The following ADGRD1 variants were observed in gnomAD, a reference collection of about 807,000 sequenced individuals.
ADGRD1 encodes the protein adhesion G protein-coupled receptor D1, also known as G-protein coupled receptor 133.
A neutral mutation model predicts 113.4 loss-of-function variants in ADGRD1; 77 were observed. The ratio of observed to expected loss-of-function variants is 0.68; its 90% CI spans 0.57 to 0.82. The LOEUF (loss-of-function observed/expected upper bound fraction) is 0.82, where lower values mean the gene tolerates loss of function less well. ADGRD1 is among the 40% of genes least tolerant of loss of function. The pLI is 0.00. For missense variants in ADGRD1, 1,036 were observed against 1,139.1 expected, an observed-to-expected ratio of 0.91 and a Z score of 1.30; for synonymous variants, 474 against 475.0, an observed-to-expected ratio of 1.00 and a Z score of 0.03.
At chr12:131,065,371 G>A (rs1041767747) in intron 13 of ADGRD1, among the ~76,000 whole-genome samples, 7 of 152,204 alleles carry the variant, frequency 4.6e-5, no homozygotes, top group East Asian at 1.9e-4. Context: ...TCATGAGAAC[G>A]CTCGGGCCCT....
At chr12:131,119,562 C>T (rs562978840) in intron 19 of ADGRD1, among the ~76,000 whole-genome samples, 20 of 152,282 alleles carry the variant, frequency 1.3e-4, no homozygotes, top group South Asian at 2.1e-4. Context: ...CACTCATGCC[C>T]GAAAGCCAGG....
intron 9 of ADGRD1, 101 bp downstream of exon 9, chr12:131,000,543 C>T: frequency 1.2e-6 from 1 of 838,072 alleles, no homozygotes. Context: ...GGAGTCAAGA[C>T]CAGCCTGGCC....
chr12:131,106,552 T>G (rs1392755541), intron 17 of ADGRD1, among the ~76,000 whole-genome samples: 3 of 152,252 alleles, frequency 2.0e-5, no homozygotes, highest in African/African-American at 7.2e-5. Context: ...GAGCTGGTTC[T>G]GGCAGAAGCT....
chr12:131,030,784 A>G (rs1566046077), intron 13 of ADGRD1: 1 of 152,232 alleles, frequency 6.6e-6, no homozygotes, highest in Admixed American at 6.5e-5. Context: ...GACTGTAAAG[A>G]ACAGAAGACA....
chr12:131,059,134 CCTCT>C (rs747409419), intron 13 of ADGRD1, among the ~76,000 whole-genome samples: 5 of 152,224 alleles, frequency 3.3e-5, no homozygotes, highest in Admixed American at 1.3e-4. Context: ...TTTCCTCTGT[CCTCT>C]CTATTTTTAT....
chr12:131,008,382 C>G (rs1877438617), intron 12 of ADGRD1, among the ~76,000 whole-genome samples: 1 of 152,246 alleles, frequency 6.6e-6, no homozygotes, highest in African/African-American at 2.4e-5. Context: ...CTGTCATCCT[C>G]ATACATCCGC....
Position 131,108,763 on chromosome 12 carries a change from T to G in ADGRD1, c.1927T>G (p.Phe643Val). Residue 643 changes from phenylalanine (F) to valine (V), a missense_variant, in exon 18 of 25, where the codon TTC becomes GTC. Physicochemically the swap from Phe to Val is conservative, Grantham distance 50. Transcript: ENST00000261654. ...QVMAVLLHYF[F>V]LSAFAWMLVE... ...GATGGCCGTGCTCCTACACTACTTCTTCCTGAGTGCCTTCGCATGGATGCT... is the reference window on the plus strand; with the variant it reads ...GATGGCCGTGCTCCTACACTACTTCGTCCTGAGTGCCTTCGCATGGATGCT... 1 of 1,614,160 alleles carries G rather than the reference T, an allele frequency of 6.2e-7. No individual in the cohort carries two copies. The highest frequency in any genetic ancestry group is 8.5e-7 in the Non-Finnish European group (1 of 1,180,022).
intron 15 of ADGRD1, among the ~76,000 whole-genome samples, chr12:131,088,704 C>T (rs1420895843): frequency 6.6e-6 from 1 of 152,136 alleles, no homozygotes. Flanking sequence ...GCGGAGGCTG[C>T]TGCGGTGACT....
Position 131,095,289 on chromosome 12 carries a change from C to T in ADGRD1, c.1672-9542C>T, listed in dbSNP as rs1026178696. On this transcript the variant is annotated intron_variant, in intron 15 of 24. Coordinates refer to ENST00000261654, the MANE Select transcript of ADGRD1 (RefSeq NM_198827.5). ...CCTTGCAGTCCTGGGGGCAGGGAGACGTAGCTTCAAGGTTCTGAGGGTTCC... is the reference window on the plus strand; with the variant it reads ...CCTTGCAGTCCTGGGGGCAGGGAGATGTAGCTTCAAGGTTCTGAGGGTTCC... Among the ~76,000 whole-genome samples the T allele has an allele frequency of 3.3e-5, 5 of 152,258 alleles. No homozygotes were observed. The South Asian group carries it at 6.2e-4, about 19-fold the overall frequency.
rs373779323 is a variant in ADGRD1 at position 131,050,212 on chromosome 12, G to C, written c.1474-26589G>C. On this transcript the variant is annotated intron_variant, in intron 13 of 24. Coordinates refer to ENST00000261654, the MANE Select transcript of ADGRD1 (RefSeq NM_198827.5). The surrounding 1 kb of genome is among the most constrained non-coding windows in gnomAD (Gnocchi z 4.8). ...CCTGTCTCAAGTTGAAATCACCATC[G>C]TCATCGTCATCATCATCATCATCAT... Among the ~76,000 whole-genome samples the C allele has an allele frequency of 9.4e-6, 1 of 106,504 alleles. No homozygotes were observed. Among genetic ancestry groups the C allele is most frequent in the African/African-American group, 2.6e-5 (1 of 39,108 alleles). 69.9% of individuals were successfully genotyped at this position (106,504 alleles called of 152,430 possible). A position where few individuals can be genotyped will look rare whatever the true frequency, so the allele number is the denominator to read the frequency against.
chr12:130,982,083 C>T lies in ADGRD1; in HGVS notation c.490+20C>T, dbSNP rs927834658. Reference sequence around the variant, plus strand: ...CCCCAGGTGAGTGACAGCATCGGTCCCGGGAGGCTCTGCCTGGAGGAGTGG... The same window carrying T: ...CCCCAGGTGAGTGACAGCATCGGTCTCGGGAGGCTCTGCCTGGAGGAGTGG... On this transcript the variant is annotated intron_variant, in intron 5 of 24. Transcript: ENST00000261654. The T allele has an allele frequency of 1.2e-6, 2 of 1,605,482 alleles. No individual in the cohort carries two copies. Among genetic ancestry groups the T allele is most frequent in the Middle Eastern group, 2.0e-4 (1 of 5,118 alleles).
chr12:131,052,792 G>A (rs2137049866), intron 13 of ADGRD1, among the ~76,000 whole-genome samples: 1 of 152,326 alleles, frequency 6.6e-6, no homozygotes, highest in African/African-American at 2.4e-5. Context: ...AGAGGATGCT[G>A]TGGTTTCATG....
intron 13 of ADGRD1, among the ~76,000 whole-genome samples, chr12:131,030,035 T>G (rs116424813): frequency 0.01 from 1,339 of 133,476 alleles, 99 homozygotes; most frequent in African/African-American, 0.029. Flanking sequence ...TGGACCCCTC[T>G]TATGGTGACA....
At position 130,954,615 on chromosome 12, in the gene ADGRD1, T is replaced by G; in HGVS notation, c.67-9T>G. 1 of 1,614,042 alleles carries G rather than the reference T, an allele frequency of 6.2e-7. No individual in the cohort carries two copies. The highest frequency in any genetic ancestry group is 8.5e-7 in the Non-Finnish European group (1 of 1,180,026). On this transcript the variant is annotated splice_polypyrimidine_tract_variant and intron_variant, in intron 1 of 24. Coordinates refer to ENST00000261654, the MANE Select transcript of ADGRD1 (RefSeq NM_198827.5). The surrounding 1 kb of genome is among the most constrained non-coding windows in gnomAD (Gnocchi z 4.7). ...GAGTGTGTCTCACACTGTGGTCTTT[T>G]GTGCGCAGGTGCGTGGCGTCTACTC...
At position 131,003,118 on chromosome 12, in the gene ADGRD1, G is replaced by A. The variant is rs1876598318; in HGVS notation, c.1027-67G>A. ...GGAAACTTGATTTTGTGTGCCTGGT[G>A]CACCTGCCTGGTGCCCTGGCTGAGT... On this transcript the variant is annotated intron_variant, in intron 9 of 24. Coordinates refer to ENST00000261654, the MANE Select transcript of ADGRD1 (RefSeq NM_198827.5). The surrounding 1 kb of genome is among the most constrained non-coding windows in gnomAD (Gnocchi z 4.8). 2 of 1,244,762 alleles carry A rather than the reference G, an allele frequency of 1.6e-6. No homozygotes were observed. The highest frequency in any genetic ancestry group is 2.4e-6 in the Non-Finnish European group (2 of 845,052). The allele number at this position is 1,244,762 out of a possible 1,614,324, so 77.1% of individuals were successfully genotyped here. A position where few individuals can be genotyped will look rare whatever the true frequency, so the allele number is the denominator to read the frequency against.
At chr12:131,066,193 C>G (rs1014129739) in intron 13 of ADGRD1, among the ~76,000 whole-genome samples, 2 of 152,154 alleles carry the variant, frequency 1.3e-5, no homozygotes, top group African/African-American at 4.8e-5. Flanking sequence ...GGATTGTGAC[C>G]GCTACAAGAT....
At chr12:131,024,231 T>A (rs1252993248) in intron 13 of ADGRD1, 1 of 152,214 alleles carries the variant, frequency 6.6e-6, no homozygotes, top group Non-Finnish European at 1.5e-5. Context: ...GCTGGCCGGG[T>A]CACTGGGGTT....
chr12:131,123,052 T>TG (rs1950639986), intron 20 of ADGRD1, among the ~76,000 whole-genome samples: 4 of 125,924 alleles, frequency 3.2e-5, no homozygotes, highest in African/African-American at 9.5e-5. Context: ...TTTTTTTTTT[T>TG]TTTTTTTTTT....
Position 130,987,215 on chromosome 12 carries a change from CCAA to C in ADGRD1, c.613_615del (p.Asn205del). ...AAAGTGTCTCGTGACTATGGAGAGT[CCAA>C]CGTCAACCTCGTGATAGGGTCTGAG... On this transcript the variant is annotated inframe_deletion, in exon 6 of 25. Transcript: ENST00000261654. The C allele has an allele frequency of 2.5e-6, 4 of 1,614,236 alleles. No individual in the cohort carries two copies. Among genetic ancestry groups the C allele is most frequent in the Non-Finnish European group, 3.4e-6 (4 of 1,180,046 alleles).
Sources: allele counts gnomAD v4.1 joint callset (sites outside exome capture counted in the v4.1 genomes callset), GRCh38; gene constraint gnomAD v4.1.1; non-coding constraint Gnocchi (gnomAD v3.1); transcripts MANE v1.5; gene names NCBI Gene and HGNC (gene_info 2026-07-23, HGNC 2026-07-21).